The following APOB variants were observed in gnomAD, a reference collection of about 807,000 sequenced individuals.
The protein encoded by APOB is apolipoprotein B.
A neutral mutation model predicts 314.1 loss-of-function variants in APOB; 153 were observed. The observed-to-expected ratio is 0.49, with a 90% CI of 0.43 to 0.56. The LOEUF (loss-of-function observed/expected upper bound fraction) is 0.56. APOB is among the 20% of genes least tolerant of loss of function. APOB has a pLI of 0.00. For synonymous variants in APOB, 2,087 were observed against 2,036.4 expected, an observed-to-expected ratio of 1.02 and a Z score of -0.67; for missense variants, 5,430 against 5,350.7, an observed-to-expected ratio of 1.01 and a Z score of -0.46.
rs1472831354 is a variant in APOB, at chr2:21,013,286, T to C, written c.4090A>G (p.Ser1364Gly). The C allele has an allele frequency of 6.2e-7, 1 of 1,614,086 alleles. No individual in the cohort carries two copies. Among genetic ancestry groups the C allele is most frequent in the Non-Finnish European group, 8.5e-7 (1 of 1,180,054 alleles). The stretch of plus-strand genomic sequence containing the variant: ...GAGGCGGACCAGTTGTACAAGTTGC[T>C]GTAGACATTCGTGGAGAGGTCTAGA... Reference protein sequence around the residue: ...GVLDLSTNVYSNLYNWSASYS... With the variant: ...GVLDLSTNVYGNLYNWSASYS... The change falls in exon 25 of 29, where the codon AGC becomes GGC. Residue 1364 changes from serine to glycine, a missense_variant. This residue lies in a region of APOB where 2,085 missense variants were observed against 2,079.7 expected (regional missense o/e 1.00). Transcript: ENST00000233242.
chr2:21,018,934 T>C lies in APOB; in HGVS notation c.3121+58A>G, dbSNP rs1488443735. The C allele has an allele frequency of 4.3e-6, 7 of 1,612,410 alleles. No homozygotes were observed. The Admixed American group carries it at 1.0e-4, about 23-fold the overall frequency. On this transcript the variant is annotated intron_variant, in intron 20 of 28. Transcript: ENST00000233242. ...GGTTAAATTACATGTCTTCTCCTCA[T>C]GAATTCTGAACCTGAGACTGCGAGC...
At position 21,011,420 on chromosome 2, in the gene APOB, T is replaced by C; in HGVS notation, c.5448A>G (p.Leu1816=). Residue 1816 remains leucine, a synonymous_variant, in exon 26 of 29, where the codon CTA becomes CTG. Coordinates refer to ENST00000233242, the MANE Select transcript of APOB (RefSeq NM_000384.3). ...LDLTNNGKLR[L]EPLKLHVAGN... ...CAGCCACATGCAGCTTCAGGGGTTC[T>C]AGCCGTAGTTTCCCATTGTTGGTGA... is the stretch of plus-strand genomic sequence containing the variant. The C allele has an allele frequency of 1.2e-6, 2 of 1,614,166 alleles. No homozygotes were observed. The highest frequency in any genetic ancestry group is 1.7e-6 in the Non-Finnish European group (2 of 1,180,030).
Position 21,035,679 on chromosome 2 carries a change from G to A in APOB, c.723C>T (p.Ser241=). 2.5e-6 allele frequency: 4 copies of A among 1,614,088 alleles called. No individual in the cohort carries two copies. Among genetic ancestry groups the A allele is most frequent in the Non-Finnish European group, 3.4e-6 (4 of 1,180,030 alleles). ...MTRPLSTLIS[S]SQSCQYTLDA... Reference sequence around the variant, plus strand: ...CCAGTGTGTACTGACAGGACTGGCTGCTGCTGATCAGAGTTGACAAGGGGC... The same window carrying A: ...CCAGTGTGTACTGACAGGACTGGCTACTGCTGATCAGAGTTGACAAGGGGC... Residue 241 remains serine (S), a synonymous_variant, in exon 7 of 29, where the codon AGC becomes AGT. Coordinates refer to ENST00000233242, the MANE Select transcript of APOB (RefSeq NM_000384.3).
intron 18 of APOB, among the ~76,000 whole-genome samples, chr2:21,020,360 CCTTT>C (rs1344574973): frequency 6.6e-6 from 1 of 152,194 alleles, no homozygotes; most frequent in Non-Finnish European, 1.5e-5. Flanking sequence ...CCCCTATGCT[CCTTT>C]CTTTCTTTTC....
At chr2:21,041,175 C>A (rs1157689817) in intron 3 of APOB, 92 bp from the exon 4 acceptor site, 3 of 1,362,588 alleles carry the variant, frequency 2.2e-6, no homozygotes, top group African/African-American at 1.4e-5. Flanking sequence ...ATCAGAGCAC[C>A]AAAGGGAATG....
chr2:21,019,665 A>G (rs1663550372), intron 19 of APOB, 58 bp downstream of exon 19: 1 of 1,531,590 alleles, frequency 6.5e-7, no homozygotes, highest in Admixed American at 1.7e-5. Context: ...GTGCCATGCT[A>G]GGTGGCCATG....
chr2:21,043,893 AGC>A lies in APOB; in HGVS notation c.51_52del (p.Leu18AlafsTer39). On this transcript the variant is annotated frameshift_variant, in exon 1 of 29. Transcript: ENST00000233242. LOFTEE classifies it high-confidence loss of function. ...CCTGGCGCCCGCCAGCAGCAGCAGC[AGC>A]AGCGCAGGCAGCGCCAGCAGCGCCA... is the stretch of plus-strand genomic sequence containing the variant. The A allele has an allele frequency of 6.8e-7, 1 of 1,460,784 alleles. No individual in the cohort carries two copies. The allele number at this position is 1,460,784 out of a possible 1,614,324, so 90.5% of individuals were successfully genotyped here.
Position 21,019,054 on chromosome 2 carries a change from T to C in APOB, c.3059A>G (p.Tyr1020Cys), listed in dbSNP as rs769754988. 3.7e-6 allele frequency: 6 copies of C among 1,613,948 alleles called. No homozygotes were observed. In the African/African-American group the frequency reaches 8.0e-5, roughly 22 times the overall value. ...EIEQYSVSAT[Y>C]ELQREDRALV... ...GGCTCTGTCCTCTCTCTGGAGCTCA[T>C]AGGTTGCGCTGACAGAATACTGCTC... The change falls in exon 20 of 29, where the codon TAT becomes TGT. Residue 1020 changes from tyrosine to cysteine, a missense_variant. By Grantham distance (194) the Tyr-to-Cys change is radical (BLOSUM62 -2). This residue lies in a region of APOB where 2,085 missense variants were observed against 2,079.7 expected (regional missense o/e 1.00). Coordinates refer to ENST00000233242, the MANE Select transcript of APOB (RefSeq NM_000384.3).
intron 15 of APOB, among the ~76,000 whole-genome samples, chr2:21,025,794 T>G (rs984567747): frequency 6.6e-6 from 1 of 152,204 alleles, no homozygotes; most frequent in East Asian, 1.9e-4. Context: ...AAAATGCGCT[T>G]CTGATTCAGT....
chr2:21,044,073 T>G lies in APOB; in HGVS notation c.-128A>C, dbSNP rs1319302345. On this transcript the variant is annotated 5_prime_UTR_variant, in exon 1 of 29. Transcript: ENST00000233242. ...TCAGCCCCGCAGGTCCCGGTGGGAA[T>G]GCGCGGCCGGCGCCCGCACCCCATT... The G allele has an allele frequency of 1.0e-5, 4 of 385,916 alleles. No homozygotes were observed. The highest frequency in any genetic ancestry group is 4.9e-5 in the Admixed American group (1 of 20,460). The allele number at this position is 385,916 out of a possible 1,614,324, so 23.9% of individuals were successfully genotyped here.
At chr2:21,020,019 C>T (rs570290744) in intron 18 of APOB, 114 bp from the exon 19 acceptor site, 2 of 870,656 alleles carry the variant, frequency 2.3e-6, no homozygotes, top group Admixed American at 1.9e-5. Context: ...CAGTCCACAC[C>T]TATCTCTAAC....
At position 21,011,549 on chromosome 2, in the gene APOB, A is replaced by T; in HGVS notation, c.5319T>A (p.Ile1773=). Residue 1773 remains isoleucine, a synonymous_variant, in exon 26 of 29, where the codon ATT becomes ATA. Coordinates refer to ENST00000233242, the MANE Select transcript of APOB (RefSeq NM_000384.3). ...SLDFSSKLDN[I]YSSDKFYKQT... is the part of the protein sequence containing the mutation. ...GCTTATAAAACTTGTCAGAGCTGTAAATGTTGTCAAGTTTTGAAGAGAAGT... is the reference window on the plus strand; with the variant it reads ...GCTTATAAAACTTGTCAGAGCTGTATATGTTGTCAAGTTTTGAAGAGAAGT... 1 of 1,614,120 alleles carries T rather than the reference A, an allele frequency of 6.2e-7. No individual in the cohort carries two copies. The highest frequency in any genetic ancestry group is 8.5e-7 in the Non-Finnish European group (1 of 1,179,988).
rs748734585 is a variant in APOB at position 21,023,509 on chromosome 2, G to T, written c.2604+16C>A. The T allele has an allele frequency of 1.2e-6, 2 of 1,613,920 alleles. No individual in the cohort carries two copies. The highest frequency in any genetic ancestry group is 1.7e-5 in the Admixed American group (1 of 60,020). On this transcript the variant is annotated intron_variant, in intron 17 of 28. Coordinates refer to ENST00000233242, the MANE Select transcript of APOB (RefSeq NM_000384.3). ...AAGTAATAACCTAAGAAATCAAAAG[G>T]CAAACAGAATCTTACGTTGGCTACT...
At chr2:21,040,549 C>T (rs750794700) in intron 4 of APOB, among the ~76,000 whole-genome samples, 7 of 152,206 alleles carry the variant, frequency 4.6e-5, no homozygotes, top group African/African-American at 1.4e-4. Flanking sequence ...CTCTGCCCTG[C>T]GGTGAACAGA....
Position 21,029,702 on chromosome 2 carries a change from C to G in APOB, c.1554G>C (p.Lys518Asn), listed in dbSNP as rs778274241. ...CAGCTTTCTGGATCATCAGTGATGGCTTTGTACTTTGGACACATTTCAGGA... is the reference window on the plus strand; with the variant it reads ...CAGCTTTCTGGATCATCAGTGATGGGTTTGTACTTTGGACACATTTCAGGA... ...SSILKCVQSTKPSLMIQKAAI... is the reference protein window; with the variant it reads ...SSILKCVQSTNPSLMIQKAAI... The change falls in exon 12 of 29, where the codon AAG becomes AAC. Residue 518 changes from lysine to asparagine, a missense_variant. Lys to Asn is a moderately conservative substitution (Grantham distance 94). Transcript: ENST00000233242. 5.0e-6 allele frequency: 8 copies of G among 1,614,140 alleles called. No individual in the cohort carries two copies. In the Admixed American group the frequency reaches 1.3e-4, roughly 27 times the overall value.
At chr2:21,026,075 G>A (rs1405518687) in intron 15 of APOB, among the ~76,000 whole-genome samples, 1 of 152,200 alleles carries the variant, frequency 6.6e-6, no homozygotes, top group Admixed American at 6.5e-5. Flanking sequence ...CAGGCACTGT[G>A]CTTGGCATTT....
chr2:21,008,317 C>A lies in APOB; in HGVS notation c.8551G>T (p.Glu2851Ter). Residue 2851 changes from glutamate to a stop codon, truncating the protein, a stop_gained, in exon 26 of 29, where the codon GAG becomes TAG. Transcript: ENST00000233242. LOFTEE classifies it high-confidence loss of function. ...CTTGCCACTGTGTTTGATTTTCCCT[C>A]AATAGCATTTCCAAAAAACAGCATT... ...SEMLFFGNAI[E>*]GKSNTVASLH... 6.2e-7 allele frequency: 1 copy of A among 1,613,042 alleles called. No homozygotes were observed. The highest frequency in any genetic ancestry group is 8.5e-7 in the Non-Finnish European group (1 of 1,179,240).
Position 21,027,814 on chromosome 2 carries a change from C to T in APOB, c.2067+14G>A. 6.3e-6 allele frequency: 10 copies of T among 1,597,582 alleles called. No homozygotes were observed. The highest frequency in any genetic ancestry group is 5.2e-6 in the Non-Finnish European group (6 of 1,164,896). On this transcript the variant is annotated intron_variant, in intron 14 of 28. Transcript: ENST00000233242. The stretch of plus-strand genomic sequence containing the variant: ...ACAAAATGGGCTAGAGAACCTCAAA[C>T]TCTTCACACTTACCTCGATGAGGTC...
rs767395919 is a variant in APOB, at chr2:21,007,438, T to C, written c.9430A>G (p.Thr3144Ala). Residue 3144 changes from threonine (T) to alanine (A), a missense_variant, in exon 26 of 29, where the codon ACT becomes GCT. Transcript: ENST00000233242. ...EMRLPYTIIT[T>A]PPLKDFSLWE... ...AGAGAGAAATCTTTCAGTGGAGGAG[T>C]TGTGATTATTGTGTAAGGTAGACGC... The C allele has an allele frequency of 1.9e-6, 3 of 1,613,900 alleles. No individual in the cohort carries two copies. Among genetic ancestry groups the C allele is most frequent in the Non-Finnish European group, 1.7e-6 (2 of 1,179,934 alleles).
Sources: allele counts gnomAD v4.1 joint callset (sites outside exome capture counted in the v4.1 genomes callset), GRCh38; gene constraint gnomAD v4.1.1; regional missense constraint gnomAD v4.1.1; transcripts MANE v1.5; gene names NCBI Gene and HGNC (gene_info 2026-07-23, HGNC 2026-07-21).